Variants in CFAP299 observed in about 807,000 individuals in gnomAD.
CFAP299 encodes cilia and flagella associated protein 299.
CFAP299 carries 21 observed loss-of-function variants against 27.0 expected under a neutral mutation model. That is an observed-to-expected ratio of 0.78 (90% CI 0.55 to 1.12). The LOEUF is 1.12. CFAP299 is among the 50% of genes most tolerant of loss of function. The probability of loss-of-function intolerance (pLI) is 0.00; values close to 1 mark genes in which losing one functional copy is unlikely to be tolerated. For missense variants in CFAP299, 310 were observed against 276.6 expected, an observed-to-expected ratio of 1.12 and a Z score of -0.86; for synonymous variants, 104 against 98.1, an observed-to-expected ratio of 1.06 and a Z score of -0.36.
At chr4:80,752,027 A>G (rs1305745489) in intron 3 of CFAP299, among the ~76,000 whole-genome samples, 2 of 152,064 alleles carry the variant, frequency 1.3e-5, no homozygotes. Context: ...TGTGTATCAG[A>G]CCCAATGCCC....
At chr4:80,453,416 G>A (rs762164961) in intron 2 of CFAP299, among the ~76,000 whole-genome samples, 47 of 152,188 alleles carry the variant, frequency 3.1e-4, no homozygotes, top group Non-Finnish European at 6.0e-4. Flanking sequence ...ATTTTAGTGT[G>A]TATGTATCCT....
At chr4:80,956,122 C>T (rs985839595) in intron 5 of CFAP299, among the ~76,000 whole-genome samples, 1 of 152,304 alleles carries the variant, frequency 6.6e-6, no homozygotes, top group African/African-American at 2.4e-5. Flanking sequence ...TAACAACTCT[C>T]TACAAACAAG....
At chr4:80,711,100 C>A (rs571771148) in intron 3 of CFAP299, among the ~76,000 whole-genome samples, 1 of 152,324 alleles carries the variant, frequency 6.6e-6, no homozygotes, top group Non-Finnish European at 1.5e-5. Flanking sequence ...TACACAGGCA[C>A]ACTTGTGCCC....
intron 3 of CFAP299, among the ~76,000 whole-genome samples, chr4:80,750,418 A>G (rs1724866403): frequency 6.6e-6 from 1 of 152,174 alleles, no homozygotes; most frequent in Non-Finnish European, 1.5e-5. Context: ...TGAGCTCACG[A>G]CATGCATGGC....
rs183686880 is a variant in CFAP299 at position 80,749,022 on chromosome 4, T to A, written c.334-120971T>A. Among the ~76,000 whole-genome samples, 769 of 152,354 alleles carry A rather than the reference T, an allele frequency of 5.0e-3. 4 individuals carry two copies. Among genetic ancestry groups the A allele is most frequent in the Middle Eastern group, 0.02 (6 of 294 alleles). On this transcript the variant is annotated intron_variant, in intron 3 of 5. Coordinates refer to ENST00000358105, the MANE Select transcript of CFAP299 (RefSeq NM_152770.3). ...TTTCTCTGTACAGTGTGATAGGTTT[T>A]TTTCTCTTTACCTATTTCACATTCA...
chr4:80,828,774 C>T (rs141015626), intron 3 of CFAP299, among the ~76,000 whole-genome samples: 166 of 152,138 alleles, frequency 1.1e-3, no homozygotes, highest in African/African-American at 3.6e-3. Flanking sequence ...TTATAAATTA[C>T]CCAGTCTCAG....
intron 3 of CFAP299, among the ~76,000 whole-genome samples, chr4:80,722,344 G>A (rs572205481): frequency 6.6e-6 from 1 of 151,644 alleles, no homozygotes; most frequent in Admixed American, 6.6e-5. Context: ...TTGAACCCAG[G>A]AGGCGGAGGT....
chr4:80,797,682 G>A (rs1054757458), intron 3 of CFAP299, among the ~76,000 whole-genome samples: 1 of 152,124 alleles, frequency 6.6e-6, no homozygotes, highest in Non-Finnish European at 1.5e-5. Flanking sequence ...AGCAATTACA[G>A]GGCTCTTCAA....
chr4:80,600,056 T>G (rs1166998635), intron 3 of CFAP299, among the ~76,000 whole-genome samples: 1 of 152,092 alleles, frequency 6.6e-6, no homozygotes, highest in Non-Finnish European at 1.5e-5. Context: ...CTGAGATCAG[T>G]TTAACATATA....
intron 2 of CFAP299, among the ~76,000 whole-genome samples, chr4:80,508,351 G>A (rs1027793140): frequency 6.6e-5 from 10 of 151,804 alleles, no homozygotes; most frequent in Non-Finnish European, 1.0e-4. Context: ...TTTTTTTCCC[G>A]AATTTACAAC....
intron 3 of CFAP299, among the ~76,000 whole-genome samples, chr4:80,656,870 C>T (rs1033054724): frequency 6.6e-6 from 1 of 152,190 alleles, no homozygotes; most frequent in Non-Finnish European, 1.5e-5. Flanking sequence ...TATTACTCCA[C>T]ATCCTTTCCA....
At chr4:80,661,155 G>A (rs752915243) in intron 3 of CFAP299, among the ~76,000 whole-genome samples, 28 of 151,914 alleles carry the variant, frequency 1.8e-4, no homozygotes, top group Admixed American at 7.9e-4. Flanking sequence ...GCAAAATCCC[G>A]TCTCTACTGA....
At chr4:80,778,675 T>C (rs2110089175) in intron 3 of CFAP299, among the ~76,000 whole-genome samples, 1 of 152,198 alleles carries the variant, frequency 6.6e-6, no homozygotes, top group South Asian at 2.1e-4. Context: ...ACATAGCCAT[T>C]TCTTCCACAG....
chr4:80,963,263 A>G (rs1166156876), intron 5 of CFAP299, among the ~76,000 whole-genome samples: 1 of 152,056 alleles, frequency 6.6e-6, no homozygotes, highest in African/African-American at 2.4e-5. Flanking sequence ...GAGTCTAGAC[A>G]AGCATGATCC....
At chr4:80,686,558 G>A (rs1368631068) in intron 3 of CFAP299, among the ~76,000 whole-genome samples, 2 of 152,180 alleles carry the variant, frequency 1.3e-5, no homozygotes, top group African/African-American at 2.4e-5. Context: ...TGCTGCCCGA[G>A]TTCTCATAAT....
chr4:80,412,527 T>G (rs1726773424), intron 2 of CFAP299, among the ~76,000 whole-genome samples: 1 of 152,148 alleles, frequency 6.6e-6, no homozygotes, highest in Admixed American at 6.5e-5. Context: ...GAGCAAGTGA[T>G]TCATTCTTAT....
intron 2 of CFAP299, among the ~76,000 whole-genome samples, chr4:80,529,396 T>G (rs975039164): frequency 3.3e-5 from 5 of 152,206 alleles, no homozygotes; most frequent in African/African-American, 1.2e-4. Flanking sequence ...GTTCTTATGT[T>G]TTAAACATTG....
chr4:80,378,959 A>G (rs1724559348), intron 2 of CFAP299, among the ~76,000 whole-genome samples: 1 of 151,894 alleles, frequency 6.6e-6, no homozygotes, highest in Non-Finnish European at 1.5e-5. Flanking sequence ...CTGGCTTCAG[A>G]AATAATTTAG....
intron 4 of CFAP299, among the ~76,000 whole-genome samples, chr4:80,889,391 A>G (rs1249482482): frequency 6.6e-6 from 1 of 152,018 alleles, no homozygotes; most frequent in Non-Finnish European, 1.5e-5. Context: ...AAATGAATAC[A>G]TTTCTAGACA....
Sources: allele counts gnomAD v4.1 joint callset (sites outside exome capture counted in the v4.1 genomes callset), GRCh38; gene constraint gnomAD v4.1.1; transcripts MANE v1.5; gene names NCBI Gene and HGNC (gene_info 2026-07-23, HGNC 2026-07-21).